The following GALNT14 variants were observed in gnomAD, a reference collection of about 807,000 sequenced individuals.
The protein encoded by GALNT14 is UDP-GalNAc:polypeptide N-acetylgalactosaminyltransferase 14.
In GALNT14, 60 loss-of-function variants were observed where a neutral mutation model predicts 77.5. That is an observed-to-expected ratio of 0.77 (90% confidence interval 0.63 to 0.96). The LOEUF is 0.96. GALNT14 is among the 40% of genes least tolerant of loss of function. The pLI, the probability that GALNT14 is intolerant of heterozygous loss-of-function variation, is 0.00. For missense variants in GALNT14, 710 were observed against 731.0 expected (o/e 0.97, Z 0.33); for synonymous variants, 280 against 281.7 (o/e 0.99, Z 0.06).
chr2:30,929,161 C>G (rs1665567066), intron 11 of GALNT14, among the ~76,000 whole-genome samples: 1 of 152,190 alleles, frequency 6.6e-6, no homozygotes, highest in South Asian at 2.1e-4. Context: ...CAGCTCAGCT[C>G]CCCTAGAGCT....
At chr2:31,038,085 T>TATA (rs1491282655) in intron 1 of GALNT14, among the ~76,000 whole-genome samples, 198 of 38,732 alleles carry the variant, frequency 5.1e-3, no homozygotes, top group South Asian at 8.2e-3. Context: ...TATATATATA[T>TATA]TTTTTTTTTT....
chr2:31,114,177 C>T (rs1677980378), intron 1 of GALNT14, among the ~76,000 whole-genome samples: 1 of 152,132 alleles, frequency 6.6e-6, no homozygotes, highest in African/African-American at 2.4e-5. Context: ...TGACGAGCCA[C>T]CTTTCGTGTT....
intron 2 of GALNT14, among the ~76,000 whole-genome samples, chr2:30,983,740 C>T (rs959741753): frequency 6.6e-6 from 1 of 152,032 alleles, no homozygotes; most frequent in Non-Finnish European, 1.5e-5. Context: ...CCAGAATCCT[C>T]ATCTATCACC....
intron 1 of GALNT14, among the ~76,000 whole-genome samples, chr2:31,047,281 T>C (rs1673526128): frequency 6.6e-6 from 1 of 152,188 alleles, no homozygotes; most frequent in South Asian, 2.1e-4. Flanking sequence ...ACCCCTGACA[T>C]GATATCTGCG....
At chr2:31,077,354 C>A (rs1675868057) in intron 1 of GALNT14, among the ~76,000 whole-genome samples, 1 of 152,172 alleles carries the variant, frequency 6.6e-6, no homozygotes, top group African/African-American at 2.4e-5. Context: ...TATACACACC[C>A]ATCTTTTACC....
At chr2:31,006,789 G>A (rs1386132912) in intron 1 of GALNT14, among the ~76,000 whole-genome samples, 2 of 152,182 alleles carry the variant, frequency 1.3e-5, no homozygotes, top group Non-Finnish European at 2.9e-5. Context: ...AGAGTCAAGT[G>A]CCCCTAAGCC....
intron 2 of GALNT14, among the ~76,000 whole-genome samples, chr2:30,992,446 G>A (rs1669762250): frequency 6.6e-6 from 1 of 152,104 alleles, no homozygotes; most frequent in Non-Finnish European, 1.5e-5. Flanking sequence ...CCTGCCCCAG[G>A]GTCCAATCAT....
chr2:30,972,401 C>A (rs976572443), intron 2 of GALNT14, among the ~76,000 whole-genome samples: 1 of 152,198 alleles, frequency 6.6e-6, no homozygotes, highest in Admixed American at 6.5e-5. Flanking sequence ...TTGGAGCTCC[C>A]GGTTTACAGT....
intron 1 of GALNT14, among the ~76,000 whole-genome samples, chr2:31,016,685 T>C (rs1404250626): frequency 6.6e-6 from 1 of 152,122 alleles, no homozygotes; most frequent in East Asian, 1.9e-4. Flanking sequence ...CTGGTGCCAG[T>C]GGCTGAGCAA....
intron 1 of GALNT14, among the ~76,000 whole-genome samples, chr2:31,127,438 TAA>T (rs1291484106): frequency 1.3e-5 from 2 of 152,342 alleles, no homozygotes; most frequent in South Asian, 4.1e-4. Context: ...CTTCCATAAA[TAA>T]AGTTTTATTG....
the GALNT14 span, among the ~76,000 whole-genome samples, chr2:30,900,784 T>C: frequency 1.3e-5 from 2 of 152,192 alleles, no homozygotes; most frequent in Non-Finnish European, 2.9e-5. Context: ...TGAAGGGGAA[T>C]TGAAGCCAGA....
chr2:31,079,457 C>T (rs115814695), intron 1 of GALNT14, among the ~76,000 whole-genome samples: 438 of 152,172 alleles, frequency 2.9e-3, no homozygotes, highest in African/African-American at 9.1e-3. Flanking sequence ...TCAGGCTGTA[C>T]GGGAGATCAA....
intron 13 of GALNT14, among the ~76,000 whole-genome samples, chr2:30,913,694 G>A (rs1309602971): frequency 6.6e-6 from 1 of 152,150 alleles, no homozygotes; most frequent in African/African-American, 2.4e-5. Context: ...CCTAGTGGGA[G>A]AATGGCTCCT....
At chr2:31,109,053 C>T (rs1677707319) in intron 1 of GALNT14, among the ~76,000 whole-genome samples, 1 of 152,302 alleles carries the variant, frequency 6.6e-6, no homozygotes, top group East Asian at 1.9e-4. Context: ...TTCTGGTTAA[C>T]CTCTTGCTCA....
intron 2 of GALNT14, among the ~76,000 whole-genome samples, chr2:30,980,175 G>A (rs929096285): frequency 4.6e-5 from 7 of 152,312 alleles, no homozygotes; most frequent in South Asian, 2.1e-4. Flanking sequence ...CACATGAGCC[G>A]CAGCACCCTG....
At chr2:31,009,108 C>T (rs554402298) in intron 1 of GALNT14, among the ~76,000 whole-genome samples, 1 of 152,282 alleles carries the variant, frequency 6.6e-6, no homozygotes, top group Non-Finnish European at 1.5e-5. Context: ...TTTATTTATT[C>T]ATTATTTCTT....
intron 1 of GALNT14, among the ~76,000 whole-genome samples, chr2:30,998,066 A>G (rs1001675554): frequency 1.3e-5 from 2 of 152,338 alleles, no homozygotes; most frequent in Admixed American, 6.5e-5. Context: ...TTGTGACAAC[A>G]TGGATGGATA....
chr2:30,989,343 A>G (rs1669513544), intron 2 of GALNT14, among the ~76,000 whole-genome samples: 8 of 151,656 alleles, frequency 5.3e-5, no homozygotes, highest in Admixed American at 5.3e-4. Context: ...ACCATCCCTG[A>G]CAACTTAGTG....
At chr2:31,082,892 C>G (rs1334564821) in intron 1 of GALNT14, among the ~76,000 whole-genome samples, 3 of 152,090 alleles carry the variant, frequency 2.0e-5, no homozygotes, top group African/African-American at 7.2e-5. Context: ...ATGGCACACG[C>G]CTGTAGTTCC....
Sources: allele counts gnomAD v4.1 joint callset (sites outside exome capture counted in the v4.1 genomes callset), GRCh38; gene constraint gnomAD v4.1.1; transcripts MANE v1.5; gene names NCBI Gene and HGNC (gene_info 2026-07-23, HGNC 2026-07-21).